The following FMN2 variants were observed in gnomAD, a reference collection of about 807,000 sequenced individuals.
The protein encoded by FMN2 is formin-2.
Under a neutral mutation model 142.3 loss-of-function variants are expected in FMN2, and 51 were observed. The ratio of observed to expected loss-of-function variants is 0.36; its 90% CI spans 0.29 to 0.45. FMN2 has a LOEUF of 0.45. Ranked by LOEUF, FMN2 falls within the 20% of genes least tolerant of loss-of-function variation. The pLI is 1.00. For missense variants in FMN2, 1,936 were observed against 2,122.8 expected, an observed-to-expected ratio of 0.91 and a Z score of 1.73; for synonymous variants, 882 against 869.8, an observed-to-expected ratio of 1.01 and a Z score of -0.25.
At position 240,413,120 on chromosome 1, in the gene FMN2, C is replaced by CTCAAAAAAAAAAAAAA. The variant is rs1259612812; in HGVS notation, c.4910+20558_4910+20559insTCAAAAAAAAAAAAAA. 1.2e-4 allele frequency among the ~76,000 whole-genome samples: 3 copies of CTCAAAAAAAAAAAAAA among 24,566 alleles called. 1 individual carries two copies. The highest frequency in any genetic ancestry group is 3.5e-4 in the African/African-American group (3 of 8,612). 16.1% of individuals were successfully genotyped at this position (24,566 alleles called of 152,430 possible). A position where few individuals can be genotyped will look rare whatever the true frequency, so the allele number is the denominator to read the frequency against. On this transcript the variant is annotated intron_variant, in intron 15 of 17. Transcript: ENST00000319653. ...CCTGGGCGACAAAGCGAGACTCTGT[C>CTCAAAAAAAAAAAAAA]AAAAAAAAAAAAAAAAAAAAAAAAA...
intron 14 of FMN2, among the ~76,000 whole-genome samples, chr1:240,363,390 A>G (rs1230234599): frequency 3.9e-5 from 6 of 152,190 alleles, no homozygotes; most frequent in African/African-American, 1.4e-4. Context: ...AATTTTAATG[A>G]ATTTGGTGTG....
Position 240,309,127 on chromosome 1 carries a change from A to G in FMN2, c.4215+14244A>G, listed in dbSNP as rs538766803. On this transcript the variant is annotated intron_variant, in intron 8 of 17. Transcript: ENST00000319653. ...GTTTATTATAATGAATGATTAACCTATGATGGAAGAGTACAAGAATATAGT... is the reference window on the plus strand; with the variant it reads ...GTTTATTATAATGAATGATTAACCTGTGATGGAAGAGTACAAGAATATAGT... 4.6e-5 allele frequency among the ~76,000 whole-genome samples: 7 copies of G among 152,328 alleles called. No homozygotes were observed. In the South Asian group the frequency reaches 1.2e-3, roughly 27 times the overall value.
At chr1:240,460,830 A>G (rs1025588221) in intron 16 of FMN2, among the ~76,000 whole-genome samples, 1 of 152,048 alleles carries the variant, frequency 6.6e-6, no homozygotes, top group Non-Finnish European at 1.5e-5. Flanking sequence ...CTACCTCCAA[A>G]CAGAGGTTTT....
At chr1:240,415,574 A>G (rs986448208) in intron 15 of FMN2, among the ~76,000 whole-genome samples, 2 of 152,126 alleles carry the variant, frequency 1.3e-5, no homozygotes. Flanking sequence ...TTGGTAATCT[A>G]TCACATGTGT....
intron 6 of FMN2, among the ~76,000 whole-genome samples, chr1:240,236,161 C>T (rs530445669): frequency 1.1e-4 from 17 of 152,120 alleles, no homozygotes; most frequent in South Asian, 2.1e-4. Flanking sequence ...ATCATTATGG[C>T]GTTTTTTGCA....
intron 6 of FMN2, 134 bp from the exon 7 acceptor site, chr1:240,257,809 ACT>A: frequency 1.5e-6 from 1 of 684,888 alleles, no homozygotes; most frequent in South Asian, 1.8e-5. Flanking sequence ...TAAAAAAAAC[ACT>A]GTTTTGAATA....
intron 14 of FMN2, among the ~76,000 whole-genome samples, chr1:240,387,294 T>A (rs1287781447): frequency 1.3e-5 from 2 of 152,234 alleles, no homozygotes; most frequent in Non-Finnish European, 2.9e-5. Context: ...GCAGTGGATC[T>A]CAAACTCCAA....
chr1:240,468,206 A>ATATATG (rs374934885), intron 16 of FMN2, among the ~76,000 whole-genome samples: 17 of 147,968 alleles, frequency 1.1e-4, no homozygotes, highest in African/African-American at 4.3e-4. Flanking sequence ...ATATATATAT[A>ATATATG]TGTGTGTGTG....
In FMN2 at chr1:240,207,115, C is replaced by T. The variant is rs776855704; in HGVS notation, c.2303C>T (p.Pro768Leu). ...PPVDGLPGRP[P>L]CPPGAESGPQ... ...GTGGATGGGCTGCCAGGGCGTCCTC[C>T]ATGCCCCCCTGGGGCTGAAAGTGGA... The change falls in exon 5 of 18, where the codon CCA becomes CTA. Residue 768 changes from proline to leucine, a missense_variant. This residue lies in a region of FMN2 where 478 missense variants were observed against 462.8 expected (regional missense o/e 1.03). Coordinates refer to ENST00000319653, the MANE Select transcript of FMN2 (RefSeq NM_020066.5). 6.2e-7 allele frequency: 1 copy of T among 1,614,122 alleles called. No individual in the cohort carries two copies. The highest frequency in any genetic ancestry group is 1.1e-5 in the South Asian group (1 of 91,090).
intron 4 of FMN2, among the ~76,000 whole-genome samples, chr1:240,195,146 T>G (rs1279628221): frequency 6.6e-6 from 1 of 152,204 alleles, no homozygotes; most frequent in Non-Finnish European, 1.5e-5. Context: ...TGCTAACATT[T>G]ATTTGGAGCC....
intron 7 of FMN2, among the ~76,000 whole-genome samples, chr1:240,276,692 T>C (rs1669224909): frequency 6.6e-6 from 1 of 152,180 alleles, no homozygotes; most frequent in Non-Finnish European, 1.5e-5. Flanking sequence ...TGGTGCAGAC[T>C]ACACAGGCTG....
intron 15 of FMN2, among the ~76,000 whole-genome samples, chr1:240,433,691 G>GC (rs903478908): frequency 6.6e-6 from 1 of 152,164 alleles, no homozygotes; most frequent in African/African-American, 2.4e-5. Flanking sequence ...TCTCAGGTTA[G>GC]CCCTGACCCT....
At chr1:240,329,311 T>C in intron 9 of FMN2, 28 bp from the exon 10 acceptor site, 1 of 1,607,716 alleles carries the variant, frequency 6.2e-7, no homozygotes, top group South Asian at 1.1e-5. Context: ...ATTATATTTT[T>C]CTTCTTAACT....
chr1:240,132,764 A>G (rs964045355), intron 2 of FMN2, among the ~76,000 whole-genome samples: 1 of 152,122 alleles, frequency 6.6e-6, no homozygotes, highest in Non-Finnish European at 1.5e-5. Context: ...CTAGATGATC[A>G]TGGAGGGCTA....
chr1:240,283,117 G>A (rs1057376487), intron 7 of FMN2, among the ~76,000 whole-genome samples: 1 of 152,136 alleles, frequency 6.6e-6, no homozygotes, highest in African/African-American at 2.4e-5. Flanking sequence ...ATAGTTCTAG[G>A]CATTTCTGCC....
At chr1:240,205,144 G>C (rs781471051) in intron 4 of FMN2, among the ~76,000 whole-genome samples, 4 of 152,088 alleles carry the variant, frequency 2.6e-5, no homozygotes, top group African/African-American at 7.2e-5. Flanking sequence ...TGTTTACCGT[G>C]GCCTATGGGG....
At chr1:240,283,737 T>G (rs929024465) in intron 7 of FMN2, among the ~76,000 whole-genome samples, 1 of 152,132 alleles carries the variant, frequency 6.6e-6, no homozygotes. Flanking sequence ...AAGGGTGGAA[T>G]CCAAAGGTAG....
At chr1:240,172,922 C>CTT (rs34541723) in intron 2 of FMN2, among the ~76,000 whole-genome samples, 2 of 150,876 alleles carry the variant, frequency 1.3e-5, no homozygotes, top group South Asian at 2.1e-4. Flanking sequence ...GCCAGTGGCC[C>CTT]TTTTTTTTGT....
intron 6 of FMN2, among the ~76,000 whole-genome samples, chr1:240,229,157 T>G (rs2103439562): frequency 6.6e-6 from 1 of 152,304 alleles, no homozygotes; most frequent in Non-Finnish European, 1.5e-5. Context: ...CATAAAAGTT[T>G]TGAAGACTCT....
Sources: gnomAD v4.1 joint callset for allele counts (sites outside exome capture counted in the v4.1 genomes callset) on GRCh38, gnomAD v4.1.1 for gene constraint, gnomAD v4.1.1 regional missense constraint, MANE v1.5 for transcripts, NCBI Gene and HGNC (gene_info 2026-07-23, HGNC 2026-07-21) for gene names.